CAMK2D: variants seen among roughly 807,000 people sequenced by gnomAD.
CAMK2D encodes the protein calcium/calmodulin-dependent protein kinase type II subunit delta.
A neutral mutation model predicts 84.0 loss-of-function variants in CAMK2D; 37 were observed. That is an observed-to-expected ratio of 0.44 (90% CI 0.34 to 0.58). CAMK2D has a LOEUF of 0.58. CAMK2D is among the 20% of genes least tolerant of loss of function. CAMK2D has a pLI of 0.02. For synonymous variants in CAMK2D, 202 were observed against 212.5 expected (o/e 0.95, Z 0.43); for missense variants, 448 against 652.5 (o/e 0.69, Z 3.41).
At chr4:113,649,368 A>G (rs1309159248) in intron 3 of CAMK2D, among the ~76,000 whole-genome samples, 1 of 152,218 alleles carries the variant, frequency 6.6e-6, no homozygotes, top group East Asian at 1.9e-4. Flanking sequence ...ACTCTCCATT[A>G]TTATTCTCAA....
At chr4:113,458,318 G>A (rs570652138) in intron 18 of CAMK2D, among the ~76,000 whole-genome samples, 1 of 152,142 alleles carries the variant, frequency 6.6e-6, no homozygotes, top group Non-Finnish European at 1.5e-5. Flanking sequence ...CAAGAGATAC[G>A]AGGAGGATTT....
intron 2 of CAMK2D, chr4:113,755,098 C>G (rs1198443044): frequency 1.0e-6 from 1 of 982,020 alleles, no homozygotes; most frequent in Non-Finnish European, 1.2e-6. Context: ...TGCCTGGAAG[C>G]CAAAAATAAA....
intron 16 of CAMK2D, among the ~76,000 whole-genome samples, chr4:113,485,663 TTC>T (rs1479833218): frequency 7.2e-5 from 11 of 152,202 alleles, no homozygotes; most frequent in African/African-American, 2.4e-4. Flanking sequence ...GCTTAAAACT[TTC>T]TGATATTCCT....
At chr4:113,702,008 T>C (rs140621720) in intron 2 of CAMK2D, among the ~76,000 whole-genome samples, 1 of 152,322 alleles carries the variant, frequency 6.6e-6, no homozygotes, top group Non-Finnish European at 1.5e-5. Context: ...GCTCAATTAG[T>C]AGTTCTTTGA....
chr4:113,504,728 G>A (rs1226638374), intron 14 of CAMK2D, among the ~76,000 whole-genome samples: 2 of 150,156 alleles, frequency 1.3e-5, no homozygotes, highest in East Asian at 4.0e-4. Flanking sequence ...TCAGTACAAT[G>A]TTCAACAACG....
At chr4:113,603,855 G>T (rs2098966209) in intron 4 of CAMK2D, among the ~76,000 whole-genome samples, 1 of 146,950 alleles carries the variant, frequency 6.8e-6, no homozygotes, top group African/African-American at 2.5e-5. Flanking sequence ...AGCACTTGGG[G>T]AGGCTGAGGA....
At chr4:113,554,156 C>T (rs548491386) in intron 4 of CAMK2D, among the ~76,000 whole-genome samples, 16 of 152,184 alleles carry the variant, frequency 1.1e-4, no homozygotes, top group South Asian at 2.1e-4. Flanking sequence ...ACTGGGCTCT[C>T]AACTTACTGA....
intron 2 of CAMK2D, among the ~76,000 whole-genome samples, chr4:113,663,847 T>C (rs1183796940): frequency 6.6e-6 from 1 of 152,050 alleles, no homozygotes; most frequent in Non-Finnish European, 1.5e-5. Flanking sequence ...AAAAAAATTA[T>C]CGTATGAGCT....
chr4:113,602,233 AT>A (rs367738693), intron 4 of CAMK2D, among the ~76,000 whole-genome samples: 12 of 149,922 alleles, frequency 8.0e-5, no homozygotes, highest in East Asian at 2.0e-4. Context: ...GTAATTACTA[AT>A]TTTTTTTTTG....
At chr4:113,678,311 A>G (rs1376470979) in intron 2 of CAMK2D, among the ~76,000 whole-genome samples, 2 of 152,166 alleles carry the variant, frequency 1.3e-5, no homozygotes, top group Non-Finnish European at 2.9e-5. Context: ...CCTTACTGAC[A>G]TTAGTTTCCT....
chr4:113,690,257 G>A (rs1326864641), intron 2 of CAMK2D, among the ~76,000 whole-genome samples: 1 of 152,106 alleles, frequency 6.6e-6, no homozygotes. Flanking sequence ...TCATACTACT[G>A]AAGATGTTGG....
chr4:113,697,798 C>A (rs1171508899), intron 2 of CAMK2D, among the ~76,000 whole-genome samples: 1 of 151,962 alleles, frequency 6.6e-6, no homozygotes, highest in South Asian at 2.1e-4. Flanking sequence ...AATGAAATAG[C>A]CCATTTTCTC....
At chr4:113,674,000 T>C (rs1031734949) in intron 2 of CAMK2D, among the ~76,000 whole-genome samples, 7 of 152,238 alleles carry the variant, frequency 4.6e-5, no homozygotes, top group Non-Finnish European at 1.0e-4. Flanking sequence ...TACAGATTTA[T>C]TATAAATATT....
rs534731066 is a variant in CAMK2D, at chr4:113,457,052, T to C, written c.1535+283A>G. Reference sequence around the variant, plus strand: ...AAGTCACAAATATTTTGCCTTATTATACAAGTCCTCTAGATTTAACCCTGT... The same window carrying C: ...AAGTCACAAATATTTTGCCTTATTACACAAGTCCTCTAGATTTAACCCTGT... On this transcript the variant is annotated intron_variant, in intron 19 of 20. Coordinates refer to ENST00000511664, the MANE Select transcript of CAMK2D (RefSeq NM_001321571.2). 7 of 493,250 alleles carry C rather than the reference T, an allele frequency of 1.4e-5. No homozygotes were observed. The East Asian group carries it at 3.6e-4, about 25-fold the overall frequency. 30.6% of individuals were successfully genotyped at this position (493,250 alleles called of 1,614,324 possible).
intron 7 of CAMK2D, among the ~76,000 whole-genome samples, chr4:113,532,268 C>T (rs2098463403): frequency 6.6e-6 from 1 of 152,140 alleles, no homozygotes. Context: ...AAAAACTTTG[C>T]ACTTAATCTT....
At position 113,678,737 on chromosome 4, in the gene CAMK2D, G is replaced by A. The variant is rs898629542; in HGVS notation, c.161-16965C>T. Among the ~76,000 whole-genome samples, 3 of 152,120 alleles carry A rather than the reference G, an allele frequency of 2.0e-5. No individual in the cohort carries two copies. In the South Asian group the frequency reaches 6.2e-4, roughly 31 times the overall value. On this transcript the variant is annotated intron_variant, in intron 2 of 20. Transcript: ENST00000511664. ...TAAATCTAACTAGCTGTGGTTCTGT[G>A]ATTCTTAAAGGTCTAAGTGAAGCAA...
chr4:113,728,066 C>T (rs1002708600), intron 2 of CAMK2D, among the ~76,000 whole-genome samples: 3 of 152,128 alleles, frequency 2.0e-5, no homozygotes, highest in African/African-American at 4.8e-5. Context: ...TGGTAGGAAA[C>T]TGAAATGGTA....
At chr4:113,581,154 A>C (rs1022161981) in intron 4 of CAMK2D, among the ~76,000 whole-genome samples, 1 of 152,182 alleles carries the variant, frequency 6.6e-6, no homozygotes, top group African/African-American at 2.4e-5. Context: ...TAATATAAGG[A>C]GGTAGAATCA....
intron 3 of CAMK2D, among the ~76,000 whole-genome samples, chr4:113,625,774 G>A (rs537353810): frequency 2.7e-4 from 41 of 152,216 alleles, no homozygotes; most frequent in East Asian, 3.9e-4. Context: ...GAGTTCTGAG[G>A]AGAGGGTGAT....
Sources: gnomAD v4.1 joint callset for allele counts (sites outside exome capture counted in the v4.1 genomes callset) on GRCh38, gnomAD v4.1.1 for gene constraint, MANE v1.5 for transcripts, NCBI Gene and HGNC (gene_info 2026-07-23, HGNC 2026-07-21) for gene names.